The following SKAP1 variants were observed in gnomAD, a reference collection of about 807,000 sequenced individuals.
SKAP1 encodes the protein src kinase-associated phosphoprotein 1.
SKAP1 carries 44 observed loss-of-function variants against 58.5 expected under a neutral mutation model. The ratio of observed to expected loss-of-function variants is 0.75; its 90% CI spans 0.59 to 0.97. SKAP1 has a LOEUF of 0.97. Among genes scored for constraint, SKAP1 ranks in the 50% least tolerant of loss-of-function variants. SKAP1 has a pLI of 0.00. For synonymous variants in SKAP1, 127 were observed against 149.7 expected, an observed-to-expected ratio of 0.85 and a Z score of 1.11; for missense variants, 390 against 435.2, an observed-to-expected ratio of 0.90 and a Z score of 0.92.
intron 4 of SKAP1, among the ~76,000 whole-genome samples, chr17:48,209,108 T>C (rs2064842341): frequency 6.6e-6 from 1 of 152,214 alleles, no homozygotes; most frequent in South Asian, 2.1e-4. Flanking sequence ...TCAAGCCTCC[T>C]AGTTAGTAAG....
intron 1 of SKAP1, among the ~76,000 whole-genome samples, chr17:48,397,671 A>T (rs1486470448): frequency 6.6e-6 from 1 of 152,262 alleles, no homozygotes; most frequent in Non-Finnish European, 1.5e-5. Flanking sequence ...AAGGGCAGGC[A>T]TTCAAAGAAA....
At chr17:48,421,335 C>G (rs2067791345) in intron 1 of SKAP1, among the ~76,000 whole-genome samples, 1 of 129,146 alleles carries the variant, frequency 7.7e-6, no homozygotes, top group East Asian at 2.3e-4. Context: ...GAATTTTGCT[C>G]TGTCACCCAG....
At chr17:48,221,334 G>C (rs1253358195) in intron 4 of SKAP1, among the ~76,000 whole-genome samples, 1 of 152,100 alleles carries the variant, frequency 6.6e-6, no homozygotes, top group East Asian at 1.9e-4. Flanking sequence ...CTGTATATAT[G>C]ATGTATTGCA....
intron 4 of SKAP1, among the ~76,000 whole-genome samples, chr17:48,299,098 T>G (rs1411838491): frequency 6.6e-6 from 1 of 152,236 alleles, no homozygotes; most frequent in Admixed American, 6.5e-5. Context: ...ATGAGCATTT[T>G]CATTTCATGT....
At chr17:48,255,287 C>T (rs955795617) in intron 4 of SKAP1, among the ~76,000 whole-genome samples, 6 of 151,980 alleles carry the variant, frequency 3.9e-5, no homozygotes, top group African/African-American at 1.4e-4. Flanking sequence ...TCTGTTTGCA[C>T]TCATTAAAGG....
chr17:48,405,438 TTTCTTTCTTTCTTTTCTTTC>T lies in SKAP1; in HGVS notation c.47-8673_47-8654del, dbSNP rs1490700830. ...CTTTCTTTCTTTCTTTCTTTCTTTC[TTTCTTTCTTTCTTTTCTTTC>T]TTTCTTTCCTTCCTTCCTTCTTTCT... On this transcript the variant is annotated intron_variant, in intron 1 of 12. Coordinates refer to ENST00000336915, the MANE Select transcript of SKAP1 (RefSeq NM_003726.4). Among the ~76,000 whole-genome samples, 775 of 85,736 alleles carry T rather than the reference TTTCTTTCTTTCTTTTCTTTC, an allele frequency of 9.0e-3. 11 individuals carry two copies. The highest frequency in any genetic ancestry group is 0.023 in the African/African-American group (525 of 22,600). 56.2% of individuals were successfully genotyped at this position (85,736 alleles called of 152,430 possible).
At chr17:48,270,549 G>C (rs1052424939) in intron 4 of SKAP1, among the ~76,000 whole-genome samples, 3 of 151,902 alleles carry the variant, frequency 2.0e-5, no homozygotes, top group Non-Finnish European at 4.4e-5. Flanking sequence ...CTCCATGTTG[G>C]CCAGGCTGGT....
chr17:48,343,881 A>G (rs2066688932), intron 4 of SKAP1, among the ~76,000 whole-genome samples: 1 of 152,212 alleles, frequency 6.6e-6, no homozygotes, highest in Non-Finnish European at 1.5e-5. Flanking sequence ...CAGACTATGT[A>G]TGTGTAAATC....
At chr17:48,259,772 T>C (rs1481611040) in intron 4 of SKAP1, among the ~76,000 whole-genome samples, 2 of 152,098 alleles carry the variant, frequency 1.3e-5, no homozygotes, top group Non-Finnish European at 2.9e-5. Context: ...TTTAAAAACA[T>C]GAGGAGAATC....
chr17:48,378,098 T>C (rs2067172976), intron 2 of SKAP1, among the ~76,000 whole-genome samples: 1 of 152,140 alleles, frequency 6.6e-6, no homozygotes, highest in Admixed American at 6.5e-5. Flanking sequence ...AACCTTTTAA[T>C]CAATCTCCTC....
At chr17:48,185,263 C>G (rs1008163687) in intron 6 of SKAP1, 1 of 159,674 alleles carries the variant, frequency 6.3e-6, no homozygotes, top group East Asian at 1.9e-4. Flanking sequence ...CACAGGGGGG[C>G]ATTATAAGGT....
chr17:48,329,414 A>G (rs2144258577), intron 4 of SKAP1, among the ~76,000 whole-genome samples: 1 of 152,306 alleles, frequency 6.6e-6, no homozygotes, highest in Admixed American at 6.5e-5. Flanking sequence ...GAGGAGTAAC[A>G]ATCAACGTGG....
intron 4 of SKAP1, among the ~76,000 whole-genome samples, chr17:48,272,058 C>T (rs769148832): frequency 4.0e-5 from 6 of 151,832 alleles, no homozygotes; most frequent in South Asian, 2.1e-4. Flanking sequence ...CTATGTACTT[C>T]GGCTATTTAA....
chr17:48,438,239 G>T, the SKAP1 span, among the ~76,000 whole-genome samples: 1 of 152,144 alleles, frequency 6.6e-6, no homozygotes, highest in Non-Finnish European at 1.5e-5. Context: ...TATTCTCAAG[G>T]TTGTTGTGAA....
intron 4 of SKAP1, among the ~76,000 whole-genome samples, chr17:48,325,248 C>CAAA (rs200281665): frequency 0.024 from 2,162 of 91,236 alleles, 178 homozygotes; most frequent in African/African-American, 0.041. Context: ...GACTCCGTCT[C>CAAA]AAAAAAAAAA....
chr17:48,234,767 G>A (rs12946208), intron 4 of SKAP1, among the ~76,000 whole-genome samples: 16,989 of 151,882 alleles, frequency 0.11, 1,020 homozygotes, highest in East Asian at 0.19. Flanking sequence ...AGAATGTGAT[G>A]AGTAAAAAGC....
intron 11 of SKAP1, among the ~76,000 whole-genome samples, chr17:48,145,268 C>T (rs564775305): frequency 6.6e-6 from 1 of 152,228 alleles, no homozygotes; most frequent in African/African-American, 2.4e-5. Flanking sequence ...ATTTGCACTC[C>T]ATTATATGGC....
At chr17:48,227,314 T>A (rs1167152017) in intron 4 of SKAP1, among the ~76,000 whole-genome samples, 1 of 152,220 alleles carries the variant, frequency 6.6e-6, no homozygotes, top group Non-Finnish European at 1.5e-5. Context: ...TCTGCAATGA[T>A]GAGCAAGTCA....
intron 2 of SKAP1, among the ~76,000 whole-genome samples, chr17:48,392,013 A>T (rs1451914302): frequency 6.6e-6 from 1 of 152,156 alleles, no homozygotes; most frequent in Non-Finnish European, 1.5e-5. Flanking sequence ...AAAACTCTCT[A>T]TATAATTAAT....
Sources: gnomAD v4.1 joint callset for allele counts (sites outside exome capture counted in the v4.1 genomes callset) on GRCh38, gnomAD v4.1.1 for gene constraint, MANE v1.5 for transcripts, NCBI Gene and HGNC (gene_info 2026-07-23, HGNC 2026-07-21) for gene names.